Variants in ANAPC10 observed in about 807,000 individuals in gnomAD.
ANAPC10 encodes anaphase-promoting complex subunit 10.
Under a neutral mutation model 22.0 loss-of-function variants are expected in ANAPC10, and 12 were observed. The observed-to-expected ratio is 0.55, with a 90% CI of 0.35 to 0.88. ANAPC10 has a LOEUF of 0.88. Ranked by LOEUF, ANAPC10 falls within the 40% of genes least tolerant of loss-of-function variation. The probability of loss-of-function intolerance (pLI) is 0.01; values close to 1 mark genes in which losing one functional copy is unlikely to be tolerated. For synonymous variants in ANAPC10, 65 were observed against 69.5 expected (o/e 0.94, Z 0.32); for missense variants, 188 against 220.9 (o/e 0.85, Z 0.94).
chr4:145,036,588 A>G (rs1738574789), intron 4 of ANAPC10, among the ~76,000 whole-genome samples: 1 of 152,136 alleles, frequency 6.6e-6, no homozygotes, highest in African/African-American at 2.4e-5. Flanking sequence ...GGCTCAAGCA[A>G]TCCTTCTGCT....
At chr4:145,060,578 A>G (rs189351647) in intron 4 of ANAPC10, among the ~76,000 whole-genome samples, 250 of 145,312 alleles carry the variant, frequency 1.7e-3, no homozygotes, top group African/African-American at 5.7e-3. Flanking sequence ...ATTTCTAGTG[A>G]AAAAAAAAGG....
chr4:145,059,315 G>C (rs1242922321), intron 4 of ANAPC10, among the ~76,000 whole-genome samples: 3 of 152,046 alleles, frequency 2.0e-5, no homozygotes, highest in Admixed American at 2.0e-4. Context: ...GGACTCACAT[G>C]GTTGTGCTAC....
intron 2 of ANAPC10, among the ~76,000 whole-genome samples, chr4:145,092,530 C>CT (rs1465332609): frequency 1.3e-5 from 2 of 152,124 alleles, no homozygotes; most frequent in East Asian, 3.9e-4. Context: ...CCAAGTATAA[C>CT]TTTAATAATT....
chr4:145,082,509 T>C (rs377408936), intron 2 of ANAPC10, among the ~76,000 whole-genome samples: 6 of 152,174 alleles, frequency 3.9e-5, no homozygotes, highest in Non-Finnish European at 7.3e-5. Context: ...TGCAAGCTGA[T>C]AGTAAAAATG....
chr4:145,059,125 A>C (rs1579067634), intron 4 of ANAPC10, among the ~76,000 whole-genome samples: 1 of 152,178 alleles, frequency 6.6e-6, no homozygotes, highest in African/African-American at 2.4e-5. Flanking sequence ...AATTGTTTAA[A>C]ATAGGCCCCT....
At chr4:145,054,899 T>C (rs1741818213) in intron 4 of ANAPC10, among the ~76,000 whole-genome samples, 1 of 152,168 alleles carries the variant, frequency 6.6e-6, no homozygotes, top group Non-Finnish European at 1.5e-5. Context: ...TATCTTATAG[T>C]TGTACTCTTC....
intron 2 of ANAPC10, among the ~76,000 whole-genome samples, chr4:145,083,395 A>G (rs1024672046): frequency 2.6e-5 from 4 of 152,174 alleles, no homozygotes; most frequent in African/African-American, 9.7e-5. Context: ...ACTGCAATAA[A>G]CACCTAGCTG....
intron 1 of ANAPC10, chr4:145,097,427 T>A (rs1748732923): frequency 1.7e-6 from 2 of 1,185,384 alleles, no homozygotes; most frequent in South Asian, 2.5e-5. Flanking sequence ...ACTGCTTTGG[T>A]AGCGCAGTTA....
Position 145,062,333 on chromosome 4 carries a change from A to G in ANAPC10, c.327+2239T>C, listed in dbSNP as rs144118901. Among the ~76,000 whole-genome samples the G allele has an allele frequency of 4.5e-3, 682 of 152,070 alleles. 9 individuals carry two copies. The highest frequency in any genetic ancestry group is 0.015 in the African/African-American group (621 of 41,490). On this transcript the variant is annotated intron_variant, in intron 4 of 4. Transcript: ENST00000507656. ...GGTTTCTTAAAAGTAAGGGCTGGGC[A>G]TGGTGGCTCACGCCTGTAATCCTAG...
rs1273547984 is a variant in ANAPC10, at chr4:145,095,895, G to A, written c.115+90C>T. 9 of 1,566,780 alleles carry A rather than the reference G, an allele frequency of 5.7e-6. No homozygotes were observed. The East Asian group carries it at 1.8e-4, about 31-fold the overall frequency. ...GTTTTAGGCATCCACTGGGAGTCCTGGAATGTATCCCCTGGGATAAGGGGA... is the reference window on the plus strand; with the variant it reads ...GTTTTAGGCATCCACTGGGAGTCCTAGAATGTATCCCCTGGGATAAGGGGA... On this transcript the variant is annotated intron_variant, in intron 2 of 4. Coordinates refer to ENST00000507656, the MANE Select transcript of ANAPC10 (RefSeq NM_001256706.2).
intron 3 of ANAPC10, among the ~76,000 whole-genome samples, chr4:145,069,523 A>C (rs1044748629): frequency 1.3e-5 from 2 of 152,198 alleles, no homozygotes; most frequent in African/African-American, 4.8e-5. Flanking sequence ...ACTGGGAATC[A>C]TTAAAGCTCC....
chr4:145,094,610 T>A (rs550033454), intron 2 of ANAPC10, among the ~76,000 whole-genome samples: 1 of 152,288 alleles, frequency 6.6e-6, no homozygotes, highest in South Asian at 2.1e-4. Context: ...GAAAGAAAGA[T>A]GACTACTAAA....
intron 4 of ANAPC10, among the ~76,000 whole-genome samples, chr4:145,042,327 C>G (rs996863618): frequency 6.6e-5 from 10 of 152,082 alleles, no homozygotes; most frequent in Non-Finnish European, 1.0e-4. Context: ...TAACTCATAA[C>G]AATACTATCA....
chr4:145,025,157 G>T lies in ANAPC10; in HGVS notation c.328-29554C>A, dbSNP rs532080621. Among the ~76,000 whole-genome samples, 7 of 152,166 alleles carry T rather than the reference G, an allele frequency of 4.6e-5. No homozygotes were observed. The East Asian group carries it at 1.3e-3, about 29-fold the overall frequency. ...CTGTGGATTAGGCTTTGACTTAAGG[G>T]AATGTTGTGGCTGGTTTGATTTTCT... On this transcript the variant is annotated intron_variant, in intron 4 of 4. Transcript: ENST00000507656.
Position 145,071,468 on chromosome 4 carries a change from T to TA in ANAPC10, c.207-6777dup, listed in dbSNP as rs536617792. Among the ~76,000 whole-genome samples the TA allele has an allele frequency of 6.0e-4, 91 of 151,904 alleles. 1 individual carries two copies. The South Asian group carries it at 0.017, about 28-fold the overall frequency. On this transcript the variant is annotated intron_variant, in intron 3 of 4. Coordinates refer to ENST00000507656, the MANE Select transcript of ANAPC10 (RefSeq NM_001256706.2). ...ACTTATATTTATATTTCACTACAAA[T>TA]AAAAAAAATCTTTACTGTTTATTAC...
intron 4 of ANAPC10, among the ~76,000 whole-genome samples, chr4:145,012,884 G>C (rs1415586936): frequency 1.3e-5 from 2 of 152,144 alleles, no homozygotes; most frequent in African/African-American, 4.8e-5. Context: ...AGGGGGGCCT[G>C]GTGGGAAATG....
chr4:145,004,923 T>C (rs558126520), intron 4 of ANAPC10, among the ~76,000 whole-genome samples: 2 of 152,286 alleles, frequency 1.3e-5, no homozygotes, highest in East Asian at 3.9e-4. Context: ...TAACCAGCTC[T>C]TCCTTACACA....
intron 2 of ANAPC10, among the ~76,000 whole-genome samples, chr4:145,092,303 A>G (rs1747794294): frequency 6.6e-6 from 1 of 152,136 alleles, no homozygotes; most frequent in Non-Finnish European, 1.5e-5. Flanking sequence ...CATCCTACAC[A>G]TGTACCCCAG....
chr4:145,058,115 T>G (rs1742337126), intron 4 of ANAPC10, among the ~76,000 whole-genome samples: 1 of 152,224 alleles, frequency 6.6e-6, no homozygotes, highest in African/African-American at 2.4e-5. Context: ...CCTACAAGAA[T>G]GTAAACTTAT....
Sources: allele counts gnomAD v4.1 joint callset (sites outside exome capture counted in the v4.1 genomes callset), GRCh38; gene constraint gnomAD v4.1.1; transcripts MANE v1.5; gene names NCBI Gene and HGNC (gene_info 2026-07-23, HGNC 2026-07-21).